Variants in TAFA2 observed in about 807,000 individuals in gnomAD.
The protein encoded by TAFA2 is TAFA chemokine like family member 2.
In TAFA2, 7 loss-of-function variants were observed where a neutral mutation model predicts 18.8. The observed-to-expected ratio is 0.37, with a 90% CI of 0.21 to 0.70. The LOEUF (loss-of-function observed/expected upper bound fraction) is 0.70, where lower values mean the gene tolerates loss of function less well. Among genes scored for constraint, TAFA2 ranks in the 30% least tolerant of loss-of-function variants. The pLI is 0.53. For missense variants in TAFA2, 122 were observed against 158.1 expected (o/e 0.77, Z 1.23); for synonymous variants, 60 against 54.2 (o/e 1.11, Z -0.47).
chr12:61,995,547 C>T (rs1592537024), intron 1 of TAFA2, among the ~76,000 whole-genome samples: 1 of 152,260 alleles, frequency 6.6e-6, no homozygotes, highest in South Asian at 2.1e-4. Context: ...ACCAGGTCGA[C>T]CTTTTTCAAT....
At chr12:61,816,926 T>C (rs1872111590) in intron 2 of TAFA2, among the ~76,000 whole-genome samples, 1 of 151,300 alleles carries the variant, frequency 6.6e-6, no homozygotes, top group South Asian at 2.1e-4. Flanking sequence ...ACAGCCAGAT[T>C]ATTATATATA....
intron 2 of TAFA2, among the ~76,000 whole-genome samples, chr12:61,806,213 AGG>A (rs1288589906): frequency 6.6e-6 from 1 of 152,164 alleles, no homozygotes; most frequent in Non-Finnish European, 1.5e-5. Flanking sequence ...TTGAATTCCC[AGG>A]TGTTGTGGGA....
intron 1 of TAFA2, among the ~76,000 whole-genome samples, chr12:61,920,855 A>G (rs908094237): frequency 2.1e-5 from 3 of 141,758 alleles, no homozygotes; most frequent in Admixed American, 6.9e-5. Context: ...CTCTGGGGAG[A>G]AAAAAAAAAG....
At chr12:62,212,681 T>C (rs2062719177) in intron 1 of TAFA2, among the ~76,000 whole-genome samples, 1 of 152,222 alleles carries the variant, frequency 6.6e-6, no homozygotes, top group South Asian at 2.1e-4. Context: ...TCATATGCTC[T>C]GCCGAAAAAA....
chr12:61,770,165 T>C (rs2120838107), intron 2 of TAFA2, among the ~76,000 whole-genome samples: 1 of 152,074 alleles, frequency 6.6e-6, no homozygotes, highest in South Asian at 2.1e-4. Context: ...GACAAGGCTT[T>C]CAAATCAACC....
At chr12:62,257,693 C>A (rs186149591) in intron 1 of TAFA2, among the ~76,000 whole-genome samples, 26 of 152,268 alleles carry the variant, frequency 1.7e-4, no homozygotes, top group African/African-American at 6.3e-4. Flanking sequence ...CAATAACAAT[C>A]ACCAAGCAAA....
chr12:61,880,672 G>C (rs1875087561), intron 1 of TAFA2: 1 of 354,544 alleles, frequency 2.8e-6, no homozygotes, highest in Admixed American at 3.5e-5. Flanking sequence ...GCAGGCTCCA[G>C]CTACTTCAGC....
At chr12:61,906,266 T>C (rs947144733) in intron 1 of TAFA2, among the ~76,000 whole-genome samples, 1 of 152,144 alleles carries the variant, frequency 6.6e-6, no homozygotes. Flanking sequence ...AATCCGCAAA[T>C]GTCATGGGAG....
chr12:61,726,830 C>T (rs552472358), intron 4 of TAFA2, among the ~76,000 whole-genome samples: 1 of 152,130 alleles, frequency 6.6e-6, no homozygotes, highest in South Asian at 2.1e-4. Context: ...ATGCTTTCAA[C>T]TCCTCCCTGT....
intron 1 of TAFA2, among the ~76,000 whole-genome samples, chr12:61,958,286 C>A (rs1341682257): frequency 6.6e-6 from 1 of 152,020 alleles, no homozygotes; most frequent in African/African-American, 2.4e-5. Context: ...TATGGATATA[C>A]CCTAGTGCCT....
chr12:62,149,757 A>G (rs1044773282), intron 1 of TAFA2, among the ~76,000 whole-genome samples: 1 of 152,070 alleles, frequency 6.6e-6, no homozygotes, highest in Non-Finnish European at 1.5e-5. Context: ...TGTACTAAAT[A>G]CTTTCCTCCA....
upstream of TAFA2, among the ~76,000 whole-genome samples, chr12:62,194,828 C>G (rs1195690121): frequency 6.6e-6 from 1 of 152,202 alleles, no homozygotes; most frequent in Non-Finnish European, 1.5e-5. Context: ...AAGTGAGTCA[C>G]ACAATTTTTT....
At chr12:62,103,787 TG>T (rs1051680353) in intron 1 of TAFA2, among the ~76,000 whole-genome samples, 3 of 150,686 alleles carry the variant, frequency 2.0e-5, no homozygotes, top group African/African-American at 7.3e-5. Flanking sequence ...CATAAACACC[TG>T]GGAACTGGAG....
At chr12:62,064,211 C>A (rs1003626433) in intron 1 of TAFA2, among the ~76,000 whole-genome samples, 4 of 152,022 alleles carry the variant, frequency 2.6e-5, no homozygotes, top group Non-Finnish European at 5.9e-5. Context: ...CTTTACCCAA[C>A]AATTGTAAAC....
intron 1 of TAFA2, among the ~76,000 whole-genome samples, chr12:62,205,956 T>A (rs1391938528): frequency 6.6e-6 from 1 of 152,180 alleles, no homozygotes; most frequent in Non-Finnish European, 1.5e-5. Flanking sequence ...CTGACTCCCT[T>A]GGTTGGGAGT....
At chr12:62,234,354 G>A in intron 1 of TAFA2, 1 of 581,504 alleles carries the variant, frequency 1.7e-6, no homozygotes, top group Non-Finnish European at 3.3e-6. Flanking sequence ...CAGGTCCAGT[G>A]TTCTCTGCCT....
intron 2 of TAFA2, among the ~76,000 whole-genome samples, chr12:61,786,205 C>A (rs1484435872): frequency 6.6e-6 from 1 of 151,514 alleles, no homozygotes; most frequent in Non-Finnish European, 1.5e-5. Flanking sequence ...TCTTACCATG[C>A]ATAAGGACTT....
intron 1 of TAFA2, among the ~76,000 whole-genome samples, chr12:62,177,633 C>T (rs140643848): frequency 4.7e-4 from 71 of 152,220 alleles, no homozygotes; most frequent in African/African-American, 1.7e-3. Context: ...TCTTGGGTAT[C>T]GCAAAGGTAC....
intron 1 of TAFA2, among the ~76,000 whole-genome samples, chr12:61,897,987 T>C (rs1374340636): frequency 6.6e-6 from 1 of 152,234 alleles, no homozygotes; most frequent in Non-Finnish European, 1.5e-5. Flanking sequence ...AATGCTCTCA[T>C]TCCAAATGGG....
Sources: gnomAD v4.1 joint callset for allele counts (sites outside exome capture counted in the v4.1 genomes callset) on GRCh38, gnomAD v4.1.1 for gene constraint, MANE v1.5 for transcripts, NCBI Gene and HGNC (gene_info 2026-07-23, HGNC 2026-07-21) for gene names.